The following FSIP2 variants were observed in gnomAD, a reference collection of about 807,000 sequenced individuals.
FSIP2 encodes the protein fibrous sheath-interacting protein 2.
In FSIP2, 367 loss-of-function variants were observed where a neutral mutation model predicts 510.5. The observed-to-expected ratio is 0.72, with a 90% CI of 0.66 to 0.78. The LOEUF (loss-of-function observed/expected upper bound fraction) is 0.78. FSIP2 is among the 30% of genes least tolerant of loss of function. The pLI is 0.00. For synonymous variants in FSIP2, 2,601 were observed against 2,732.2 expected (o/e 0.95, Z 1.50); for missense variants, 7,594 against 7,901.7 (o/e 0.96, Z 1.48).
chr2:185,799,956 A>C lies in FSIP2; in HGVS notation c.10650A>C (p.Ser3550=). 6.5e-7 allele frequency: 1 copy of C among 1,531,692 alleles called. No individual in the cohort carries two copies. The highest frequency in any genetic ancestry group is 8.7e-7 in the Non-Finnish European group (1 of 1,143,912). 94.9% of individuals were successfully genotyped at this position (1,531,692 alleles called of 1,614,324 possible). A position where few individuals can be genotyped will look rare whatever the true frequency, so the allele number is the denominator to read the frequency against. The change falls in exon 17 of 23, where the codon TCA becomes TCC. Residue 3550 remains serine (S), a synonymous_variant. Coordinates refer to ENST00000424728, the MANE Select transcript of FSIP2 (RefSeq NM_173651.4). ...SIHSQVFESR[S]ISIGELALCI... ...ATTCTCAAGTGTTTGAGAGCAGGTC[A>C]ATTTCCATTGGAGAACTTGCTTTAT...
intron 22 of FSIP2, 128 bp from the exon 23 acceptor site, chr2:185,832,962 A>G: frequency 1.4e-6 from 1 of 707,384 alleles, no homozygotes; most frequent in Non-Finnish European, 2.4e-6. Flanking sequence ...TAATGATGCC[A>G]TGAGAGTCAG....
At chr2:185,770,188 T>G (rs1574166666) in intron 13 of FSIP2, among the ~76,000 whole-genome samples, 1 of 152,214 alleles carries the variant, frequency 6.6e-6, no homozygotes, top group South Asian at 2.1e-4. Flanking sequence ...ACAATATTAA[T>G]TCTTCCTATC....
At position 185,789,093 on chromosome 2, in the gene FSIP2, T is replaced by C. The variant is rs1277983526; in HGVS notation, c.1957T>C (p.Phe653Leu). ...CKSDSHLLAS[F>L]ETGTKKSKDA... ...ATCAGATAGTCACCTTTTAGCATCA[T>C]TTGAAACAGGCACAAAAAAATCTAA... The change falls in exon 16 of 23, where the codon TTT becomes CTT. Residue 653 changes from phenylalanine to leucine, a missense_variant. Coordinates refer to ENST00000424728, the MANE Select transcript of FSIP2 (RefSeq NM_173651.4). 6.5e-7 allele frequency: 1 copy of C among 1,534,906 alleles called. No individual in the cohort carries two copies. Among genetic ancestry groups the C allele is most frequent in the Non-Finnish European group, 8.7e-7 (1 of 1,145,992 alleles).
At chr2:185,814,131 G>T (rs181072424) in intron 18 of FSIP2, 89 bp downstream of exon 18, 2 of 1,294,714 alleles carry the variant, frequency 1.5e-6, no homozygotes, top group South Asian at 1.5e-5. Flanking sequence ...AGTCAGAAAA[G>T]AATGCTAAAA....
At chr2:185,739,135 G>A (rs894072803) in intron 1 of FSIP2, 142 bp downstream of exon 1, 5 of 1,218,986 alleles carry the variant, frequency 4.1e-6, no homozygotes, top group Non-Finnish European at 5.5e-6. Flanking sequence ...GCCCGGGGGC[G>A]GTGGCGGTGG....
Position 185,796,101 on chromosome 2 carries a change from G to T in FSIP2, c.8965G>T (p.Val2989Phe), listed in dbSNP as rs1290082983. 3.4e-5 allele frequency: 52 copies of T among 1,533,960 alleles called. No individual in the cohort carries two copies. Among genetic ancestry groups the T allele is most frequent in the Middle Eastern group, 1.7e-4 (1 of 5,992 alleles). Residue 2989 changes from valine (V) to phenylalanine (F), a missense_variant, in exon 16 of 23, where the codon GTT (valine) becomes TTT (phenylalanine). Transcript: ENST00000424728. ...QISVGSSNQI[V>F]QEIVETVLNM... ...TTCTGTGGGCTCCAGCAACCAAATT[G>T]TTCAAGAGATTGTAGAAACGGTTTT... is the stretch of plus-strand genomic sequence containing the variant.
At chr2:185,776,926 G>C (rs1692737421) in intron 13 of FSIP2, among the ~76,000 whole-genome samples, 1 of 152,098 alleles carries the variant, frequency 6.6e-6, no homozygotes, top group Non-Finnish European at 1.5e-5. Context: ...GTTTCGCCAT[G>C]TTGGTCAGGC....
In FSIP2 at chr2:185,794,482, T is replaced by C; in HGVS notation, c.7346T>C (p.Leu2449Ser). Residue 2449 changes from leucine to serine, a missense_variant, in exon 16 of 23, where the codon TTA becomes TCA. Leu to Ser is a moderately radical substitution (Grantham distance 145, BLOSUM62 -2). Transcript: ENST00000424728. ...CAATCTCTATTTACAAAGTATCCAT[T>C]AGAGCAAAACCAAATGATATTGGAA... ...TKQSLFTKYP[L>S]EQNQMILENK... The C allele has an allele frequency of 6.6e-7, 1 of 1,520,788 alleles. No homozygotes were observed. The highest frequency in any genetic ancestry group is 1.2e-5 in the South Asian group (1 of 80,732). 94.2% of individuals were successfully genotyped at this position (1,520,788 alleles called of 1,614,324 possible).
chr2:185,819,754 G>GTGTA (rs1411617366), intron 19 of FSIP2, among the ~76,000 whole-genome samples: 2 of 151,834 alleles, frequency 1.3e-5, no homozygotes, highest in Non-Finnish European at 2.9e-5. Context: ...CTGTAGGCTA[G>GTGTA]TGTATGTGTT....
chr2:185,740,973 T>C (rs1691911498), intron 2 of FSIP2, among the ~76,000 whole-genome samples: 1 of 152,142 alleles, frequency 6.6e-6, no homozygotes, highest in Non-Finnish European at 1.5e-5. Context: ...ATAATTGCTC[T>C]TTAAAAAAAA....
In FSIP2 at chr2:185,801,766, C is replaced by T; in HGVS notation, c.12460C>T (p.Leu4154=). 1 of 1,522,564 alleles carries T rather than the reference C, an allele frequency of 6.6e-7. No homozygotes were observed. The highest frequency in any genetic ancestry group is 2.5e-5 in the East Asian group (1 of 40,772). 94.3% of individuals were successfully genotyped at this position (1,522,564 alleles called of 1,614,324 possible). ...EDVIRRLLSQ[L]IPPPITCSSL... ...TGTCATAAGAAGGCTTTTATCTCAG[C>T]TAATTCCTCCACCCATTACATGTTC... Residue 4154 remains leucine (L), a synonymous_variant, in exon 17 of 23, where the codon CTA becomes TTA. Transcript: ENST00000424728.
rs1418244481 is a variant in FSIP2, at chr2:185,804,032, A to G, written c.14726A>G (p.Gln4909Arg). The G allele has an allele frequency of 6.6e-7, 1 of 1,507,036 alleles. No individual in the cohort carries two copies. The highest frequency in any genetic ancestry group is 8.8e-7 in the Non-Finnish European group (1 of 1,131,098). The allele number at this position is 1,507,036 out of a possible 1,614,324, so 93.4% of individuals were successfully genotyped here. ...AAAGAAATCTTTAACCATCATATTC[A>G]ATCATTTTTATCTGAAGATAAAACT... is the stretch of plus-strand genomic sequence containing the variant. ...IIKEIFNHHI[Q>R]SFLSEDKTLL... is the part of the protein sequence containing the mutation. Residue 4909 changes from glutamine to arginine, a missense_variant, in exon 17 of 23, where the codon CAA (glutamine) becomes CGA (arginine). Coordinates refer to ENST00000424728, the MANE Select transcript of FSIP2 (RefSeq NM_173651.4).
intron 9 of FSIP2, among the ~76,000 whole-genome samples, chr2:185,756,734 A>G (rs1692254503): frequency 6.6e-6 from 1 of 151,376 alleles, no homozygotes; most frequent in Admixed American, 6.6e-5. Context: ...TTGAAAGATT[A>G]TAAGCCCAAA....
Position 185,804,523 on chromosome 2 carries a change from T to A in FSIP2, c.15217T>A (p.Leu5073Ile). ...AATATATGATTATCAAGTGCAGTCA[T>A]TAGTTTCAGGAGAATTAGAGTCTTC... Reference protein sequence around the residue: ...EEIYDYQVQSLVSGELESSSY... With the variant: ...EEIYDYQVQSIVSGELESSSY... The change falls in exon 17 of 23, where the codon TTA becomes ATA. Residue 5073 changes from leucine to isoleucine, a missense_variant. Physicochemically the swap from Leu to Ile is conservative, Grantham distance 5 (BLOSUM62 2). Transcript: ENST00000424728. 6.6e-7 allele frequency: 1 copy of A among 1,518,026 alleles called. No individual in the cohort carries two copies. The highest frequency in any genetic ancestry group is 8.8e-7 in the Non-Finnish European group (1 of 1,138,560). 94.0% of individuals were successfully genotyped at this position (1,518,026 alleles called of 1,614,324 possible). A position where few individuals can be genotyped will look rare whatever the true frequency, so the allele number is the denominator to read the frequency against.
At chr2:185,821,031 A>G (rs1388804579) in intron 19 of FSIP2, among the ~76,000 whole-genome samples, 2 of 128,286 alleles carry the variant, frequency 1.6e-5, no homozygotes, top group Non-Finnish European at 1.7e-5. Context: ...AAAAAAAAAA[A>G]AAAAAAATCA....
Position 185,792,633 on chromosome 2 carries a change from T to C in FSIP2, c.5497T>C (p.Leu1833=). ...ATTTATGGATAAAATGATGGATCCT[T>C]TACTTTCGGAAGCAGATATAACCAT... The part of the protein sequence containing the change: ...VQFMDKMMDP[L]LSEADITIVT... Residue 1833 remains leucine (L), a synonymous_variant, in exon 16 of 23, where the codon TTA becomes CTA. Transcript: ENST00000424728. The C allele has an allele frequency of 6.5e-7, 1 of 1,534,224 alleles. No individual in the cohort carries two copies. Among genetic ancestry groups the C allele is most frequent in the Non-Finnish European group, 8.7e-7 (1 of 1,145,606 alleles).
At chr2:185,819,891 T>C (rs1166855341) in intron 19 of FSIP2, among the ~76,000 whole-genome samples, 4 of 151,890 alleles carry the variant, frequency 2.6e-5, no homozygotes, top group Admixed American at 2.0e-4. Flanking sequence ...CCATTGTAAA[T>C]TGAGGAACAT....
rs1416146479 is a variant in FSIP2, at chr2:185,807,536, A to G, written c.18230A>G (p.Asp6077Gly). The change falls in exon 17 of 23, where the codon GAT becomes GGT. Residue 6077 changes from aspartate to glycine, a missense_variant. Transcript: ENST00000424728. ...IQYVETLQSD[D>G]DEIIQLVVQS... ...TATGTAGAAACCTTACAATCTGATG[A>G]TGATGAAATTATTCAATTAGTGGTT... 6 of 1,611,124 alleles carry G rather than the reference A, an allele frequency of 3.7e-6. No homozygotes were observed. The highest frequency in any genetic ancestry group is 4.2e-6 in the Non-Finnish European group (5 of 1,178,428).
intron 13 of FSIP2, among the ~76,000 whole-genome samples, chr2:185,775,589 C>A (rs1449857028): frequency 6.6e-6 from 1 of 152,114 alleles, no homozygotes; most frequent in Non-Finnish European, 1.5e-5. Flanking sequence ...TAAGCTTCCA[C>A]AGAATTAAGG....
Sources: allele counts gnomAD v4.1 joint callset (sites outside exome capture counted in the v4.1 genomes callset), GRCh38; gene constraint gnomAD v4.1.1; transcripts MANE v1.5; gene names NCBI Gene and HGNC (gene_info 2026-07-23, HGNC 2026-07-21).